The following CACNA1G variants were observed in gnomAD, a reference collection of about 807,000 sequenced individuals.
CACNA1G encodes the protein voltage-dependent T-type calcium channel subunit alpha-1G.
CACNA1G carries 67 observed loss-of-function variants against 219.4 expected under a neutral mutation model. The observed-to-expected ratio is 0.31, with a 90% CI of 0.25 to 0.37. CACNA1G has a LOEUF of 0.37. Among genes scored for constraint, CACNA1G ranks in the 10% least tolerant of loss-of-function variants. The pLI, the probability that CACNA1G is intolerant of heterozygous loss-of-function variation, is 1.00. For synonymous variants in CACNA1G, 1,296 were observed against 1,345.3 expected (o/e 0.96, Z 0.80); for missense variants, 2,380 against 3,231.4 (o/e 0.74, Z 6.39).
At chr17:50,595,123 G>A (rs891544922) in intron 14 of CACNA1G, 62 bp downstream of exon 14, 17 of 1,245,820 alleles carry the variant, frequency 1.4e-5, no homozygotes, top group Admixed American at 1.2e-4. Flanking sequence ...CCTCCACTCC[G>A]CCTCCGTGTC....
chr17:50,595,462 C>G (rs186016048), intron 14 of CACNA1G, among the ~76,000 whole-genome samples: 3 of 152,262 alleles, frequency 2.0e-5, no homozygotes, highest in Non-Finnish European at 2.9e-5. Flanking sequence ...ACCATACTCC[C>G]CCATCTCCCA....
intron 26 of CACNA1G, 100 bp downstream of exon 26, chr17:50,610,035 G>C (rs2048877356): frequency 7.9e-7 from 1 of 1,260,146 alleles, no homozygotes; most frequent in Non-Finnish European, 1.1e-6. Flanking sequence ...AAGGGTGAGG[G>C]TCCCTGGGGC....
At position 50,590,360 on chromosome 17, in the gene CACNA1G, G is replaced by A. The variant is rs994192810; in HGVS notation, c.2302-111G>A. Reference sequence around the variant, plus strand: ...GGCCTGAGCATCCAGCAACCCCTCCGCACAAGCTTGCTATTCCTGCTCCTC... The same window carrying A: ...GGCCTGAGCATCCAGCAACCCCTCCACACAAGCTTGCTATTCCTGCTCCTC... On this transcript the variant is annotated intron_variant, in intron 9 of 37. Transcript: ENST00000359106. 3.2e-5 allele frequency: 40 copies of A among 1,233,182 alleles called. 1 individual carries two copies. The highest frequency in any genetic ancestry group is 1.5e-4 in the South Asian group (12 of 80,306). The allele number at this position is 1,233,182 out of a possible 1,614,324, so 76.4% of individuals were successfully genotyped here.
In CACNA1G at chr17:50,618,506, A is replaced by T. The variant is rs1442186265; in HGVS notation, c.5428-149A>T. 7 of 1,074,276 alleles carry T rather than the reference A, an allele frequency of 6.5e-6. No homozygotes were observed. Among genetic ancestry groups the T allele is most frequent in the Non-Finnish European group, 9.6e-6 (7 of 726,790 alleles). 66.5% of individuals were successfully genotyped at this position (1,074,276 alleles called of 1,614,324 possible). ...CTCCCAGGAACATGCTCTGACTCAC[A>T]CTTGTAGTGCTCCTCTGCCCCCAAA... On this transcript the variant is annotated intron_variant, in intron 32 of 37. Transcript: ENST00000359106. The surrounding 1 kb of genome is among the most constrained non-coding windows in gnomAD (Gnocchi z 5.3).
rs1325762236 is a variant in CACNA1G, at chr17:50,618,361, G to A, written c.5427+18G>A. ...TTATGAAGGTAAGGGCCCAGGGTTG[G>A]CCTAGGCTCCAGGGAGGCAGCCCCA... On this transcript the variant is annotated intron_variant, in intron 32 of 37. Transcript: ENST00000359106. This position sits in a 1 kb window ranked among gnomAD's most constrained non-coding sequence, Gnocchi z 5.3. The A allele has an allele frequency of 1.3e-5, 21 of 1,609,156 alleles. No individual in the cohort carries two copies. The Admixed American group carries it at 3.5e-4, about 27-fold the overall frequency.
chr17:50,625,721 C>G (rs938040288), intron 37 of CACNA1G, among the ~76,000 whole-genome samples: 3 of 152,166 alleles, frequency 2.0e-5, no homozygotes, highest in African/African-American at 7.2e-5. Flanking sequence ...GGCCTGGCTT[C>G]TCTCATATCC....
chr17:50,569,889 C>A, intron 4 of CACNA1G, 86 bp downstream of exon 4: 1 of 1,000,122 alleles, frequency 1.0e-6, no homozygotes, highest in Non-Finnish European at 1.5e-6. Context: ...CTACTGTGTC[C>A]TCACCTGACC....
At chr17:50,609,813 C>A (rs944439895) in intron 25 of CACNA1G, 69 bp from the exon 26 acceptor site, 4 of 1,437,220 alleles carry the variant, frequency 2.8e-6, no homozygotes, top group African/African-American at 2.8e-5. Flanking sequence ...GAGGGGAAGC[C>A]GCCCCTGAGG....
chr17:50,584,004 C>T (rs2042512213), intron 9 of CACNA1G, among the ~76,000 whole-genome samples: 1 of 152,016 alleles, frequency 6.6e-6, no homozygotes, highest in Non-Finnish European at 1.5e-5. Flanking sequence ...ACCTTAGTGT[C>T]CAGAGGGAGG....
rs1205599811 is a variant in CACNA1G, at chr17:50,575,778, G to T, written c.1376G>T (p.Gly459Val). ...RRLAQVSRAA[G>V]VRVGLLSSPA... Reference sequence around the variant, plus strand: ...CTGGCTCAGGTCTCTCGGGCAGCAGGTGTGCGGGTTGGGCTGCTCAGCAGC... The same window carrying T: ...CTGGCTCAGGTCTCTCGGGCAGCAGTTGTGCGGGTTGGGCTGCTCAGCAGC... Residue 459 changes from glycine (G) to valine (V), a missense_variant, in exon 8 of 38, where the codon GGT (glycine) becomes GTT (valine). Transcript: ENST00000359106. 1.9e-6 allele frequency: 3 copies of T among 1,556,104 alleles called. No individual in the cohort carries two copies. The highest frequency in any genetic ancestry group is 1.2e-5 in the South Asian group (1 of 84,566).
chr17:50,590,783 G>C (rs1171329600), intron 10 of CACNA1G, among the ~76,000 whole-genome samples, 161 bp downstream of exon 10: 1 of 152,146 alleles, frequency 6.6e-6, no homozygotes, highest in Non-Finnish European at 1.5e-5. Flanking sequence ...GGGGCTCTCT[G>C]TGTCCCCATG....
intron 16 of CACNA1G, 88 bp downstream of exon 16, chr17:50,597,011 G>T: frequency 2.4e-6 from 3 of 1,246,884 alleles, no homozygotes; most frequent in Non-Finnish European, 3.3e-6. Context: ...GGGTCCAAGG[G>T]CACAGCCCCT....
intron 9 of CACNA1G, among the ~76,000 whole-genome samples, chr17:50,587,814 G>A (rs959466692): frequency 6.6e-6 from 1 of 152,122 alleles, no homozygotes; most frequent in South Asian, 2.1e-4. Context: ...TGGGACGGCA[G>A]GCTTCTCAGG....
chr17:50,585,423 G>A lies in CACNA1G; in HGVS notation c.2302-5048G>A, dbSNP rs116590767. The stretch of plus-strand genomic sequence containing the variant: ...TTGTGTGTTTACTTTTGAGGGCTTC[G>A]GGGAGCTGGGAAATATCATGTCACC... On this transcript the variant is annotated intron_variant, in intron 9 of 37. Transcript: ENST00000359106. Among the ~76,000 whole-genome samples, 923 of 152,276 alleles carry A rather than the reference G, an allele frequency of 6.1e-3. 12 individuals are homozygous for A. Among genetic ancestry groups the A allele is most frequent in the African/African-American group, 0.021 (878 of 41,528 alleles).
At chr17:50,601,263 C>T in intron 19 of CACNA1G, 89 bp downstream of exon 19, 1 of 1,506,204 alleles carries the variant, frequency 6.6e-7, no homozygotes, top group Non-Finnish European at 9.1e-7. Context: ...CAGTTGCTGA[C>T]CTGCAAGTCA....
intron 9 of CACNA1G, among the ~76,000 whole-genome samples, chr17:50,583,101 TC>T (rs988691202): frequency 3.7e-4 from 56 of 152,090 alleles, no homozygotes; most frequent in African/African-American, 1.3e-3. Context: ...CCCCAGAAAA[TC>T]CCCATATGCC....
At position 50,560,805 on chromosome 17, in the gene CACNA1G, C is replaced by G; in HGVS notation, c.-655C>G. ...GTGGCGCCGGCGACAGCTACGGCAG[C>G]GGCAGCCACCGCGGCGGCTGCGGCG... On this transcript the variant is annotated 5_prime_UTR_variant, in exon 1 of 38. Coordinates refer to ENST00000359106, the MANE Select transcript of CACNA1G (RefSeq NM_018896.5). 6.6e-6 allele frequency among the ~76,000 whole-genome samples: 1 copy of G among 152,074 alleles called. No individual in the cohort carries two copies. The highest frequency in any genetic ancestry group is 1.9e-4 in the East Asian group (1 of 5,182).
At position 50,603,256 on chromosome 17, in the gene CACNA1G, A is replaced by G. The variant is rs1478602655; in HGVS notation, c.4169+57A>G. On this transcript the variant is annotated intron_variant, in intron 21 of 37. Coordinates refer to ENST00000359106, the MANE Select transcript of CACNA1G (RefSeq NM_018896.5). The surrounding 1 kb of genome is among the most constrained non-coding windows in gnomAD (Gnocchi z 6.4). ...AAGAGGTGGCCCCCTCCGCAGGGAC[A>G]TCTCCCACCGCCAGCACTCCCTGCC... 1 of 1,451,820 alleles carries G rather than the reference A, an allele frequency of 6.9e-7. No homozygotes were observed. Among genetic ancestry groups the G allele is most frequent in the South Asian group, 1.2e-5 (1 of 82,916 alleles). 89.9% of individuals were successfully genotyped at this position (1,451,820 alleles called of 1,614,324 possible). A position where few individuals can be genotyped will look rare whatever the true frequency, so the allele number is the denominator to read the frequency against.
chr17:50,572,994 G>T (rs985955814), intron 6 of CACNA1G, 27 bp from the exon 7 acceptor site: 5 of 1,570,844 alleles, frequency 3.2e-6, no homozygotes, highest in Non-Finnish European at 4.3e-6. Flanking sequence ...TGGGCCCATA[G>T]TCAGCCTGCC....
Sources: gnomAD v4.1 joint callset for allele counts (sites outside exome capture counted in the v4.1 genomes callset) on GRCh38, gnomAD v4.1.1 for gene constraint, Gnocchi (gnomAD v3.1) non-coding constraint, MANE v1.5 for transcripts, NCBI Gene and HGNC (gene_info 2026-07-23, HGNC 2026-07-21) for gene names.